SP140: variants seen among roughly 807,000 people sequenced by gnomAD.
SP140 encodes the protein nuclear body protein SP140.
Under a neutral mutation model 125.0 loss-of-function variants are expected in SP140, and 81 were observed. The observed-to-expected ratio is 0.65, with a 90% CI of 0.54 to 0.78. The LOEUF is 0.78. SP140 is among the 30% of genes least tolerant of loss of function. SP140 has a pLI of 0.00. For missense variants in SP140, 858 were observed against 1,037.0 expected, an observed-to-expected ratio of 0.83 and a Z score of 2.37; for synonymous variants, 312 against 354.0, an observed-to-expected ratio of 0.88 and a Z score of 1.33.
rs200214376 is a variant in SP140 at position 230,204,618 on chromosome 2, TA to T, written c.-323+1348del. Among the ~76,000 whole-genome samples, 754 of 151,320 alleles carry T rather than the reference TA, an allele frequency of 5.0e-3. 1 individual carries two copies. The highest frequency in any genetic ancestry group is 0.016 in the East Asian group (82 of 5,172). ...ATGGTTTCTTTCATTTTTTTTTCAT[TA>T]AAAAAAAATTAATAGCTAATTTGTG... On this transcript the variant is annotated intron_variant, in intron 1 of 4. Coordinates refer to the SP140 transcript ENST00000456542.
chr2:230,295,422 G>T (rs2057600398), intron 21 of SP140, among the ~76,000 whole-genome samples: 1 of 152,196 alleles, frequency 6.6e-6, no homozygotes, highest in South Asian at 2.1e-4. Flanking sequence ...CTACACTAAA[G>T]ACCAGCATCT....
At chr2:230,312,458 G>T in intron 26 of SP140, 128 bp from the exon 27 acceptor site, 1 of 592,414 alleles carries the variant, frequency 1.7e-6, no homozygotes. Flanking sequence ...CAAAATATAT[G>T]CCATTATAAA....
chr2:230,218,570 T>C (rs2045489608), intron 3 of SP140, among the ~76,000 whole-genome samples: 1 of 152,136 alleles, frequency 6.6e-6, no homozygotes. Flanking sequence ...AGGCTCCTTT[T>C]AGAACAATTC....
intron 12 of SP140, among the ~76,000 whole-genome samples, chr2:230,265,990 G>T (rs2053059545): frequency 6.6e-6 from 1 of 152,124 alleles, no homozygotes; most frequent in Non-Finnish European, 1.5e-5. Context: ...ACTGATGAAG[G>T]AGTATTTTAA....
intron 15 of SP140, among the ~76,000 whole-genome samples, chr2:230,277,000 A>G (rs2054808316): frequency 6.6e-6 from 1 of 152,176 alleles, no homozygotes; most frequent in Non-Finnish European, 1.5e-5. Context: ...AAGAATGAGC[A>G]AAGAAAGCAG....
At chr2:230,249,300 T>C (rs1460159620) in intron 9 of SP140, among the ~76,000 whole-genome samples, 1 of 152,154 alleles carries the variant, frequency 6.6e-6, no homozygotes, top group Non-Finnish European at 1.5e-5. Context: ...TTATGGCAAC[T>C]GACGCAGGGG....
In SP140 at chr2:230,245,043, T is replaced by C; in HGVS notation, c.627T>C (p.Asp209=). The C allele has an allele frequency of 6.2e-7, 1 of 1,613,186 alleles. No individual in the cohort carries two copies. Among genetic ancestry groups the C allele is most frequent in the Non-Finnish European group, 8.5e-7 (1 of 1,179,336 alleles). The change falls in exon 6 of 27, where the codon GAT becomes GAC. Residue 209 remains aspartate, a synonymous_variant. Transcript: ENST00000392045. ...QLALPKAGGG[D]AEDAPSLLPG... ...CTCTCCCAAAGGCTGGTGGAGGAGA[T>C]GCTGAAGATGCACCCAGCCTACTAC...
intron 15 of SP140, among the ~76,000 whole-genome samples, chr2:230,280,259 A>G (rs1225596244): frequency 6.6e-6 from 1 of 152,138 alleles, no homozygotes. Flanking sequence ...ATTATACAGC[A>G]TTCTGCTTTA....
At chr2:230,217,796 G>C (rs559595651) in intron 3 of SP140, among the ~76,000 whole-genome samples, 4 of 152,340 alleles carry the variant, frequency 2.6e-5, no homozygotes, top group African/African-American at 9.6e-5. Context: ...TACGGCTGAA[G>C]CCATTAACTA....
intron 22 of SP140, among the ~76,000 whole-genome samples, chr2:230,307,986 TATATAC>T (rs1327848692): frequency 0.028 from 2,348 of 85,318 alleles, 40 homozygotes; most frequent in East Asian, 0.12. Flanking sequence ...TATATATATA[TATATAC>T]ACACACACAC....
chr2:230,217,392 A>G (rs1242282687), intron 3 of SP140, among the ~76,000 whole-genome samples: 1 of 152,214 alleles, frequency 6.6e-6, no homozygotes, highest in African/African-American at 2.4e-5. Context: ...TAAAAGGCTC[A>G]TGGGTATAGG....
chr2:230,232,287 G>A (rs899206585), intron 1 of SP140, among the ~76,000 whole-genome samples: 13 of 152,196 alleles, frequency 8.5e-5, no homozygotes, highest in Non-Finnish European at 1.3e-4. Flanking sequence ...TCCACACTCA[G>A]CCTCCAGCAA....
rs1559379371 is a variant in SP140 at position 230,310,000 on chromosome 2, T to G, written c.2135T>G (p.Phe712Cys). The G allele has an allele frequency of 6.2e-7, 1 of 1,614,184 alleles. No individual in the cohort carries two copies. Among genetic ancestry groups the G allele is most frequent in the Non-Finnish European group, 8.5e-7 (1 of 1,180,020 alleles). Residue 712 changes from phenylalanine to cysteine, a missense_variant, in exon 23 of 27, where the codon TTC (phenylalanine) becomes TGC (cysteine). Phe to Cys is a radical substitution (Grantham distance 205). Transcript: ENST00000392045. ...TGTTGCGACACTTGTTCAAGAGTCT[T>G]CCATGAGGACTGTCACATCCCGCCT... is the stretch of plus-strand genomic sequence containing the variant. ...LFCCDTCSRV[F>C]HEDCHIPPVE...
Position 230,270,573 on chromosome 2 carries a change from T to A in SP140, c.1445-13T>A. The A allele has an allele frequency of 1.9e-6, 3 of 1,604,092 alleles. No homozygotes were observed. Among genetic ancestry groups the A allele is most frequent in the Non-Finnish European group, 1.7e-6 (2 of 1,175,130 alleles). On this transcript the variant is annotated splice_polypyrimidine_tract_variant and intron_variant, in intron 14 of 26. Coordinates refer to ENST00000392045, the MANE Select transcript of SP140 (RefSeq NM_007237.5). ...TAATTTCTGTTTCCTCACCACCACT[T>A]GTTATTTTCCAGATACTGTGGATAT...
At chr2:230,261,679 T>C (rs1346789633) in intron 12 of SP140, among the ~76,000 whole-genome samples, 1 of 152,236 alleles carries the variant, frequency 6.6e-6, no homozygotes, top group Non-Finnish European at 1.5e-5. Flanking sequence ...CTGGATTTTG[T>C]TGAATGCTTT....
intron 5 of SP140, among the ~76,000 whole-genome samples, chr2:230,244,774 G>A (rs1266203019): frequency 1.3e-5 from 2 of 152,138 alleles, no homozygotes; most frequent in African/African-American, 4.8e-5. Flanking sequence ...AAGCAAGAGT[G>A]TGTGGTAACC....
At chr2:230,210,762 T>C (rs1003277045) in intron 1 of SP140, among the ~76,000 whole-genome samples, 1 of 152,230 alleles carries the variant, frequency 6.6e-6, no homozygotes, top group African/African-American at 2.4e-5. Flanking sequence ...TTGAGATTGG[T>C]CTCAAATGCT....
intron 4 of SP140, among the ~76,000 whole-genome samples, chr2:230,242,834 G>A (rs1026620132): frequency 1.3e-5 from 2 of 151,990 alleles, no homozygotes; most frequent in Non-Finnish European, 2.9e-5. Context: ...CCCAAGACCA[G>A]GTCTCTGGTC....
chr2:230,211,629 C>T lies in SP140; in HGVS notation c.-322-2025C>T. 2.2e-6 allele frequency: 2 copies of T among 906,342 alleles called. No individual in the cohort carries two copies. Among genetic ancestry groups the T allele is most frequent in the Non-Finnish European group, 3.7e-6 (2 of 537,776 alleles). 56.1% of individuals were successfully genotyped at this position (906,342 alleles called of 1,614,324 possible). A position where few individuals can be genotyped will look rare whatever the true frequency, so the allele number is the denominator to read the frequency against. On this transcript the variant is annotated intron_variant, in intron 1 of 4. Transcript: ENST00000456542. The surrounding 1 kb of genome is among the most constrained non-coding windows in gnomAD (Gnocchi z 4.2). ...CAGAATGAGGAGAAAAGAGAATGCT[C>T]TATTCCAACAAGTAAAAATGACGGG...
Sources: allele counts gnomAD v4.1 joint callset (sites outside exome capture counted in the v4.1 genomes callset), GRCh38; gene constraint gnomAD v4.1.1; non-coding constraint Gnocchi (gnomAD v3.1); transcripts MANE v1.5; gene names NCBI Gene and HGNC (gene_info 2026-07-23, HGNC 2026-07-21).